Variants in ANK1 observed in about 807,000 individuals in gnomAD.
The protein encoded by ANK1 is ankyrin 1, also known as ankyrin-1.
A neutral mutation model predicts 210.4 loss-of-function variants in ANK1; 51 were observed. The ratio of observed to expected loss-of-function variants is 0.24; its 90% CI spans 0.19 to 0.31. ANK1 has a LOEUF of 0.31. Among genes scored for constraint, ANK1 ranks in the 10% least tolerant of loss-of-function variants. ANK1 has a pLI of 1.00. For missense variants in ANK1, 2,051 were observed against 2,504.4 expected, an observed-to-expected ratio of 0.82 and a Z score of 3.86; for synonymous variants, 967 against 1,025.9, an observed-to-expected ratio of 0.94 and a Z score of 1.10.
Position 41,717,701 on chromosome 8 carries a change from G to C in ANK1, c.1208C>G (p.Ser403Cys). 6.4e-7 allele frequency: 1 copy of C among 1,551,266 alleles called. No individual in the cohort carries two copies. The highest frequency in any genetic ancestry group is 1.2e-5 in the South Asian group (1 of 84,048). ...GGCCACGTGGAGAGGTGTCAGGCCAGACTGAAACAGACAAAGGCAGAGTCC... is the reference window on the plus strand; with the variant it reads ...GGCCACGTGGAGAGGTGTCAGGCCACACTGAAACAGACAAAGGCAGAGTCC... The part of the protein sequence containing the change: ...TGASIDAVTE[S>C]GLTPLHVASF... The change falls in exon 12 of 43, where the codon TCT becomes TGT. Residue 403 changes from serine (S) to cysteine (C), a missense_variant and splice_region_variant. Transcript: ENST00000289734.
chr8:41,693,291 G>T, intron 29 of ANK1, 90 bp from the exon 30 acceptor site: 1 of 1,179,646 alleles, frequency 8.5e-7, no homozygotes, highest in Non-Finnish European at 1.3e-6. Flanking sequence ...TGTGCAAGGT[G>T]AGACTGGGTG....
In ANK1 at chr8:41,704,203, T is replaced by C; in HGVS notation, c.2197-64A>G. The C allele has an allele frequency of 1.4e-6, 2 of 1,446,010 alleles. No homozygotes were observed. Among genetic ancestry groups the C allele is most frequent in the Non-Finnish European group, 1.9e-6 (2 of 1,028,492 alleles). The allele number at this position is 1,446,010 out of a possible 1,614,324, so 89.6% of individuals were successfully genotyped here. A position where few individuals can be genotyped will look rare whatever the true frequency, so the allele number is the denominator to read the frequency against. ...CACTAGACAGAGACCTGCCTACACA[T>C]GATAGTGCCTGCCCATCTTCGAAGT... is the stretch of plus-strand genomic sequence containing the variant. On this transcript the variant is annotated intron_variant, in intron 19 of 42. Coordinates refer to ENST00000289734, the MANE Select transcript of ANK1 (RefSeq NM_000037.4). This position sits in a 1 kb window ranked among gnomAD's most constrained non-coding sequence, Gnocchi z 4.1.
chr8:41,724,392 G>A (rs1830141652), intron 7 of ANK1, 64 bp downstream of exon 7: 8 of 1,372,302 alleles, frequency 5.8e-6, no homozygotes, highest in Admixed American at 3.9e-5. Flanking sequence ...CCATGGTGCC[G>A]AGGCAGGAGC....
chr8:41,701,312 T>C (rs1285106612), intron 22 of ANK1, among the ~76,000 whole-genome samples: 1 of 152,262 alleles, frequency 6.6e-6, no homozygotes, highest in African/African-American at 2.4e-5. Context: ...TACATGTGTT[T>C]TTGAAACTTC....
intron 37 of ANK1, among the ~76,000 whole-genome samples, chr8:41,676,179 G>A (rs919232028): frequency 6.6e-6 from 1 of 152,210 alleles, no homozygotes; most frequent in African/African-American, 2.4e-5. Flanking sequence ...TGATCAAGTG[G>A]TTGTACCATT....
chr8:41,661,366 GACAGGGAGCAGCCACTCC>G, intron 42 of ANK1, 46 bp downstream of exon 42: 1 of 1,597,782 alleles, frequency 6.3e-7, no homozygotes, highest in South Asian at 1.1e-5. Flanking sequence ...GATAGGGTGA[GACAGGGAGCAGCCACTCC>G]ACTGAAGACC....
intron 1 of ANK1, among the ~76,000 whole-genome samples, chr8:41,844,501 A>G (rs1045647221): frequency 1.3e-5 from 2 of 151,788 alleles, no homozygotes; most frequent in Non-Finnish European, 2.9e-5. Context: ...CCCGCAACTG[A>G]TGCACCCACC....
chr8:41,823,957 G>T (rs538870793), intron 1 of ANK1, among the ~76,000 whole-genome samples: 1 of 151,722 alleles, frequency 6.6e-6, no homozygotes, highest in Non-Finnish European at 1.5e-5. Context: ...AGTATTTTTT[G>T]TTTTGTCTTG....
chr8:41,666,889 C>T (rs1810721545), intron 39 of ANK1, among the ~76,000 whole-genome samples: 1 of 152,146 alleles, frequency 6.6e-6, no homozygotes, highest in South Asian at 2.1e-4. Context: ...TGGAGAAAGC[C>T]CTTGGCTCCT....
At position 41,661,429 on chromosome 8, in the gene ANK1, C is replaced by T. The variant is rs1301645470; in HGVS notation, c.*36+1G>A. 1.9e-6 allele frequency: 3 copies of T among 1,613,858 alleles called. No individual in the cohort carries two copies. Among genetic ancestry groups the T allele is most frequent in the Admixed American group, 1.7e-5 (1 of 59,990 alleles). On this transcript the variant is annotated splice_donor_variant, in intron 42 of 42. Coordinates refer to ENST00000289734, the MANE Select transcript of ANK1 (RefSeq NM_000037.4). LOFTEE classifies it low-confidence loss of function (3UTR_SPLICE). ...AGAGGGGATGAGAAGGGCAGCGTTA[C>T]CTCCCGAGAGGCTACTCCAAGGAGA...
At chr8:41,664,695 C>G (rs1357624980) in intron 39 of ANK1, 12 of 1,139,790 alleles carry the variant, frequency 1.1e-5, no homozygotes, top group Non-Finnish European at 1.4e-5. Flanking sequence ...GGTCCTTTTC[C>G]TCCGGCGTCT....
In ANK1 at chr8:41,896,484, G is replaced by A. The variant is rs1185577118; in HGVS notation, c.-4C>T. 5 of 1,594,074 alleles carry A rather than the reference G, an allele frequency of 3.1e-6. 1 individual carries two copies. The South Asian group carries it at 5.7e-5, about 18-fold the overall frequency. ...GCTGTTTGGCCGCTTGAGCCATGGCGGGTCACGGCGCTCCCGTCCCCGCCT... is the reference window on the plus strand; with the variant it reads ...GCTGTTTGGCCGCTTGAGCCATGGCAGGTCACGGCGCTCCCGTCCCCGCCT... On this transcript the variant is annotated 5_prime_UTR_variant, in exon 1 of 43. Transcript: ENST00000265709.
At chr8:41,858,810 G>A (rs1400496701) in intron 1 of ANK1, among the ~76,000 whole-genome samples, 1 of 152,204 alleles carries the variant, frequency 6.6e-6, no homozygotes, top group Non-Finnish European at 1.5e-5. Context: ...TAAAACACCT[G>A]GTATCAGGGT....
chr8:41,871,477 G>C (rs1364721141), intron 1 of ANK1, among the ~76,000 whole-genome samples: 1 of 152,148 alleles, frequency 6.6e-6, no homozygotes, highest in African/African-American at 2.4e-5. Context: ...CCGGCCTATG[G>C]TGTCTTTATA....
At chr8:41,731,043 G>A (rs772302625) in intron 3 of ANK1, among the ~76,000 whole-genome samples, 5 of 152,192 alleles carry the variant, frequency 3.3e-5, no homozygotes, top group Non-Finnish European at 4.4e-5. Flanking sequence ...ATCTTGGTTC[G>A]GGCCAGCTGA....
chr8:41,695,270 C>T lies in ANK1; in HGVS notation c.3022G>A (p.Val1008Ile). 1 of 1,614,116 alleles carries T rather than the reference C, an allele frequency of 6.2e-7. No homozygotes were observed. The highest frequency in any genetic ancestry group is 8.5e-7 in the Non-Finnish European group (1 of 1,180,028). Residue 1008 changes from valine (V) to isoleucine (I), a missense_variant, in exon 27 of 43, where the codon GTT (valine) becomes ATT (isoleucine). Coordinates refer to ENST00000289734, the MANE Select transcript of ANK1 (RefSeq NM_000037.4). ...SHGRGDRELV[V>I]LRSENGSVWK... ...ACGGAGCCGTTTTCGCTCCTCAGAA[C>T]CACGAGCTCGCGGTCTCCACGGCCA...
intron 1 of ANK1, among the ~76,000 whole-genome samples, chr8:41,866,712 TC>T (rs1814535835): frequency 6.6e-6 from 1 of 152,254 alleles, no homozygotes; most frequent in Non-Finnish European, 1.5e-5. Context: ...ACAGAGTTTG[TC>T]CTTTTGTGAC....
At position 41,708,910 on chromosome 8, in the gene ANK1, C is replaced by T. The variant is rs776247811; in HGVS notation, c.1866G>A (p.Leu622=). 1 of 1,614,144 alleles carries T rather than the reference C, an allele frequency of 6.2e-7. No homozygotes were observed. The highest frequency in any genetic ancestry group is 8.5e-7 in the Non-Finnish European group (1 of 1,180,046). Residue 622 remains leucine (L), a synonymous_variant, in exon 17 of 43, where the codon CTG becomes CTA. Transcript: ENST00000289734. ...CGGCGTTTGCTGAGCCCCCATACTG[C>T]AGCAGACTACGGGCCACCTCCACCT... is the stretch of plus-strand genomic sequence containing the variant. ...QNQVEVARSL[L]QYGGSANAES... is the part of the protein sequence containing the mutation.
chr8:41,686,679 C>A (rs563507889), intron 35 of ANK1, among the ~76,000 whole-genome samples: 18 of 152,316 alleles, frequency 1.2e-4, no homozygotes, highest in Non-Finnish European at 8.8e-5. Flanking sequence ...CCGATTCTCA[C>A]CCCAGCACTG....
Sources: gnomAD v4.1 joint callset for allele counts (sites outside exome capture counted in the v4.1 genomes callset) on GRCh38, gnomAD v4.1.1 for gene constraint, Gnocchi (gnomAD v3.1) non-coding constraint, MANE v1.5 for transcripts, NCBI Gene and HGNC (gene_info 2026-07-23, HGNC 2026-07-21) for gene names.